Variants in DYSF observed in about 807,000 individuals in gnomAD.
DYSF encodes dysferlin, also known as dystrophy-associated fer-1-like 1.
In DYSF, 212 loss-of-function variants were observed where a neutral mutation model predicts 274.9. The observed-to-expected ratio is 0.77, with a 90% CI of 0.69 to 0.86. The LOEUF is 0.86. DYSF is among the 40% of genes least tolerant of loss of function. The pLI is 0.00. For missense variants in DYSF, 2,666 were observed against 2,783.2 expected (o/e 0.96, Z 0.95); for synonymous variants, 1,091 against 1,078.7 (o/e 1.01, Z -0.22).
intron 3 of DYSF, among the ~76,000 whole-genome samples, chr2:71,500,772 C>T (rs1466960657): frequency 6.6e-6 from 1 of 152,004 alleles, no homozygotes; most frequent in Non-Finnish European, 1.5e-5. Context: ...GTCCATGAGG[C>T]CTCCTTGGGC....
chr2:71,608,112 T>C (rs2093678044), intron 36 of DYSF, among the ~76,000 whole-genome samples: 1 of 151,598 alleles, frequency 6.6e-6, no homozygotes, highest in South Asian at 2.1e-4. Context: ...GTCCTTCGGG[T>C]AGGGGACTCT....
chr2:71,512,031 C>A, intron 5 of DYSF, 110 bp downstream of exon 5: 1 of 769,742 alleles, frequency 1.3e-6, no homozygotes, highest in Non-Finnish European at 2.3e-6. Flanking sequence ...GCTGCCCTCC[C>A]CAGGTTGGAG....
chr2:71,646,427 G>T (rs1572937587), intron 42 of DYSF, among the ~76,000 whole-genome samples: 1 of 152,182 alleles, frequency 6.6e-6, no homozygotes, highest in Admixed American at 6.5e-5. Flanking sequence ...GCTGTCCAAA[G>T]CAAAATGCAT....
At chr2:71,632,420 G>A (rs1484145177) in intron 41 of DYSF, among the ~76,000 whole-genome samples, 2 of 152,220 alleles carry the variant, frequency 1.3e-5, no homozygotes, top group South Asian at 2.1e-4. Context: ...TTGGCACATA[G>A]TAGGTTCCCC....
At chr2:71,597,872 T>A (rs1471557360) in intron 32 of DYSF, among the ~76,000 whole-genome samples, 1 of 152,170 alleles carries the variant, frequency 6.6e-6, no homozygotes, top group Non-Finnish European at 1.5e-5. Flanking sequence ...ACCACTGCAG[T>A]GACCTCAGAA....
intron 3 of DYSF, among the ~76,000 whole-genome samples, chr2:71,493,580 G>A (rs572704613): frequency 1.3e-4 from 20 of 152,274 alleles, no homozygotes; most frequent in Middle Eastern, 3.4e-3. Flanking sequence ...AGCTGGGTGC[G>A]CTGGCTCACG....
intron 41 of DYSF, among the ~76,000 whole-genome samples, chr2:71,625,182 G>A (rs2094186503): frequency 6.6e-6 from 1 of 151,938 alleles, no homozygotes; most frequent in Non-Finnish European, 1.5e-5. Context: ...CTCTCAATCT[G>A]AAATTCCTAT....
chr2:71,610,584 A>ACTT (rs1489584590), intron 36 of DYSF, among the ~76,000 whole-genome samples: 1 of 152,012 alleles, frequency 6.6e-6, no homozygotes, highest in Non-Finnish European at 1.5e-5. Context: ...ATTGACACAC[A>ACTT]CTTGCTCGTC....
At chr2:71,503,341 C>G (rs762169471) in intron 4 of DYSF, 22 bp downstream of exon 4, 2 of 1,612,366 alleles carry the variant, frequency 1.2e-6, no homozygotes, top group South Asian at 1.1e-5. Context: ...TCAGCCTCTG[C>G]CAGGTTAAGG....
intron 43 of DYSF, among the ~76,000 whole-genome samples, chr2:71,656,701 G>A (rs1288181483): frequency 6.6e-6 from 1 of 152,146 alleles, no homozygotes; most frequent in African/African-American, 2.4e-5. Context: ...TTATATGGTG[G>A]CAGCAAGAGA....
intron 5 of DYSF, among the ~76,000 whole-genome samples, chr2:71,512,170 C>T (rs913760704): frequency 2.6e-5 from 4 of 152,192 alleles, no homozygotes; most frequent in Admixed American, 2.0e-4. Context: ...GAGGGTGCCT[C>T]CAAGCCCCAG....
In DYSF at chr2:71,658,879, G is replaced by A; in HGVS notation, c.4757G>A (p.Gly1586Asp). 2 of 1,614,066 alleles carry A rather than the reference G, an allele frequency of 1.2e-6. No individual in the cohort carries two copies. Among genetic ancestry groups the A allele is most frequent in the Non-Finnish European group, 1.7e-6 (2 of 1,180,032 alleles). The change falls in exon 44 of 56, where the codon GGC (glycine) becomes GAC (aspartate). Residue 1586 changes from glycine (G) to aspartate (D), a missense_variant and splice_region_variant. Coordinates refer to ENST00000410020, the MANE Select transcript of DYSF (RefSeq NM_001130987.2). ...AAATTAACCCTTCCTTCTTTTCAGGGCCTCTTCAAAATTTATCCCCTCCCA... is the reference window on the plus strand; with the variant it reads ...AAATTAACCCTTCCTTCTTTTCAGGACCTCTTCAAAATTTATCCCCTCCCA... ...EDPSVIGEFKGLFKIYPLPED... is the reference protein window; with the variant it reads ...EDPSVIGEFKDLFKIYPLPED...
At chr2:71,636,140 T>C (rs1408038176) in intron 41 of DYSF, among the ~76,000 whole-genome samples, 3 of 151,984 alleles carry the variant, frequency 2.0e-5, no homozygotes, top group Non-Finnish European at 2.9e-5. Context: ...GGACGTGAGG[T>C]CAGGGAGGTG....
At chr2:71,460,949 A>AAAAAAG (rs1553498541) in intron 1 of DYSF, among the ~76,000 whole-genome samples, 26 of 149,710 alleles carry the variant, frequency 1.7e-4, no homozygotes, top group South Asian at 1.5e-3. Flanking sequence ...AAAAAAAAAA[A>AAAAAAG]AAAAAGAAAA....
At chr2:71,472,652 C>T (rs576946268) in intron 1 of DYSF, among the ~76,000 whole-genome samples, 214 of 152,318 alleles carry the variant, frequency 1.4e-3, no homozygotes, top group African/African-American at 4.2e-3. Flanking sequence ...GTGATCCACC[C>T]GCCTTGGCCT....
intron 16 of DYSF, among the ~76,000 whole-genome samples, chr2:71,537,229 T>TTTTG (rs2089453798): frequency 7.3e-6 from 1 of 136,316 alleles, no homozygotes; most frequent in Non-Finnish European, 1.5e-5. Context: ...TTTTGTTTTT[T>TTTTG]TTTTTTTTTT....
intron 3 of DYSF, among the ~76,000 whole-genome samples, chr2:71,486,480 CCT>C (rs1048023457): frequency 6.6e-6 from 1 of 152,184 alleles, no homozygotes; most frequent in Non-Finnish European, 1.5e-5. Flanking sequence ...CCGCCACTGT[CCT>C]CTCTTTCCTA....
intron 17 of DYSF, chr2:71,549,232 C>A: frequency 1.0e-6 from 1 of 969,486 alleles, no homozygotes; most frequent in Non-Finnish European, 1.6e-6. Flanking sequence ...GTTTCACACC[C>A]GGGAGCTGTC....
In DYSF at chr2:71,570,581, C is replaced by T. The variant is rs181786284; in HGVS notation, c.3086-18C>T. The T allele has an allele frequency of 1.1e-5, 17 of 1,612,614 alleles. No homozygotes were observed. The highest frequency in any genetic ancestry group is 8.0e-5 in the African/African-American group (6 of 74,994). On this transcript the variant is annotated intron_variant, in intron 28 of 55. Transcript: ENST00000410020. ...GGGGAACTGCCAAGCAATGAGTGAC[C>T]GGTTCCCCCTCCCCCAGGCTGGGAG...
Sources: gnomAD v4.1 joint callset for allele counts (sites outside exome capture counted in the v4.1 genomes callset) on GRCh38, gnomAD v4.1.1 for gene constraint, MANE v1.5 for transcripts, NCBI Gene and HGNC (gene_info 2026-07-23, HGNC 2026-07-21) for gene names.